HYDIN: variants seen among roughly 807,000 people sequenced by gnomAD.
The protein encoded by HYDIN is axonemal central pair apparatus protein HYDIN.
Under a neutral mutation model 403.9 loss-of-function variants are expected in HYDIN, and 132 were observed. The ratio of observed to expected loss-of-function variants is 0.33; its 90% confidence interval spans 0.28 to 0.38. HYDIN has a LOEUF of 0.38. Among genes scored for constraint, HYDIN ranks in the 10% least tolerant of loss-of-function variants. HYDIN has a pLI of 1.00. For synonymous variants in HYDIN, 1,202 were observed against 1,891.7 expected (o/e 0.64, Z 9.46); for missense variants, 2,827 against 5,009.5 (o/e 0.56, Z 13.15).
At chr16:71,025,916 T>G (rs2080676089) in intron 20 of HYDIN, among the ~76,000 whole-genome samples, 1 of 152,002 alleles carries the variant, frequency 6.6e-6, no homozygotes, top group Non-Finnish European at 1.5e-5. Flanking sequence ...TCCTTTTTTT[T>G]TTCAGATGGA....
chr16:70,902,821 A>ATATT lies in HYDIN; in HGVS notation c.8849+803_8849+804insAATA. 3.6e-3 allele frequency among the ~76,000 whole-genome samples: 168 copies of ATATT among 47,260 alleles called. 6 individuals carry two copies. Among genetic ancestry groups the ATATT allele is most frequent in the African/African-American group, 0.019 (158 of 8,518 alleles). 31.0% of individuals were successfully genotyped at this position (47,260 alleles called of 152,430 possible). A position where few individuals can be genotyped will look rare whatever the true frequency, so the allele number is the denominator to read the frequency against. On this transcript the variant is annotated intron_variant, in intron 52 of 85. Transcript: ENST00000393567. ...TATATATATATATATATATATATAT[A>ATATT]TTTTTTTTTTTTTTTTTGTCCCACT...
At chr16:71,010,820 G>A (rs1948910423) in intron 23 of HYDIN, among the ~76,000 whole-genome samples, 1 of 151,776 alleles carries the variant, frequency 6.6e-6, no homozygotes, top group Non-Finnish European at 1.5e-5. Context: ...TTTCTTATTG[G>A]GCCCTTGGGC....
At chr16:71,055,164 A>G (rs1241537676) in intron 18 of HYDIN, among the ~76,000 whole-genome samples, 3 of 152,304 alleles carry the variant, frequency 2.0e-5, no homozygotes, top group African/African-American at 7.2e-5. Context: ...CTGCTGGGGT[A>G]AAGTTAGGCG....
chr16:70,955,309 AG>A (rs1031377132), intron 40 of HYDIN, 65 bp downstream of exon 40: 2 of 1,040,010 alleles, frequency 1.9e-6, no homozygotes, highest in African/African-American at 3.2e-5. Context: ...GGCACAGAGA[AG>A]ATGGGTGTTG....
intron 45 of HYDIN, among the ~76,000 whole-genome samples, chr16:70,930,460 G>C (rs931012999): frequency 4.0e-5 from 6 of 151,756 alleles, no homozygotes; most frequent in Admixed American, 6.6e-5. Flanking sequence ...CAGCCTAGGC[G>C]ACTGAGTGAG....
chr16:71,180,678 G>A (rs751926012), intron 3 of HYDIN, among the ~76,000 whole-genome samples: 7 of 151,880 alleles, frequency 4.6e-5, no homozygotes, highest in South Asian at 2.1e-4. Flanking sequence ...ATATAAAAAC[G>A]ATAACACATC....
chr16:71,015,338 A>T (rs1484031121), intron 23 of HYDIN, among the ~76,000 whole-genome samples: 2 of 152,060 alleles, frequency 1.3e-5, no homozygotes, highest in South Asian at 4.2e-4. Flanking sequence ...TATCATCTTC[A>T]GTAGTGGCCA....
rs1324505330 is a variant in HYDIN at position 70,807,793 on chromosome 16, G to A, written c.15153C>T (p.Thr5051=). ...CTGGGTTATCCACGATGATGGAGAA[G>A]GTCACCATGTGATAGAAGACATTCT... ...PFKNVFYHMV[T]FSIIVDNPAF... is the part of the protein sequence containing the mutation. The change falls in exon 86 of 86, where the codon ACC becomes ACT. Residue 5051 remains threonine (T), a synonymous_variant. Transcript: ENST00000393567. 1 of 1,614,210 alleles carries A rather than the reference G, an allele frequency of 6.2e-7. No homozygotes were observed. Among genetic ancestry groups the A allele is most frequent in the Admixed American group, 1.7e-5 (1 of 60,024 alleles).
chr16:70,910,307 G>A (rs1297930088), intron 47 of HYDIN, among the ~76,000 whole-genome samples: 1 of 151,934 alleles, frequency 6.6e-6, no homozygotes, highest in African/African-American at 2.4e-5. Context: ...CCATAGCTTG[G>A]CTACCACATA....
intron 1 of HYDIN, among the ~76,000 whole-genome samples, chr16:71,203,298 T>A (rs1326717719): frequency 6.6e-6 from 1 of 152,234 alleles, no homozygotes. Flanking sequence ...AACGGACTAA[T>A]AAATTTATTA....
chr16:71,172,887 T>G (rs147432567), intron 5 of HYDIN, among the ~76,000 whole-genome samples: 126 of 152,298 alleles, frequency 8.3e-4, no homozygotes, highest in Non-Finnish European at 1.6e-3. Flanking sequence ...CTTGGTGAAA[T>G]GAATGACTTT....
intron 84 of HYDIN, 35 bp downstream of exon 84, chr16:70,818,307 C>A (rs2035979024): frequency 6.8e-7 from 1 of 1,467,482 alleles, no homozygotes. Context: ...ACTCTCACAG[C>A]TCTCAGGGAG....
Position 70,964,734 on chromosome 16 carries a change from C to G in HYDIN, c.5782G>C (p.Glu1928Gln). The change falls in exon 37 of 86, where the codon GAG becomes CAG. Residue 1928 changes from glutamate (E) to glutamine (Q), a missense_variant. Coordinates refer to ENST00000393567, the MANE Select transcript of HYDIN (RefSeq NM_001270974.2). ...RAKYLENLAQ[E>Q]NEEEDITSSD... is the part of the protein sequence containing the mutation. The stretch of plus-strand genomic sequence containing the variant: ...CTCCACATTGAGTTCTCACCATTCT[C>G]CTGTGCCAGATTCTCCAGATATTTC... 1 of 1,611,660 alleles carries G rather than the reference C, an allele frequency of 6.2e-7. No homozygotes were observed. Among genetic ancestry groups the G allele is most frequent in the Non-Finnish European group, 8.5e-7 (1 of 1,178,050 alleles).
intron 75 of HYDIN, among the ~76,000 whole-genome samples, chr16:70,849,010 A>T (rs1459102151): frequency 1.3e-5 from 2 of 151,982 alleles, no homozygotes; most frequent in Non-Finnish European, 2.9e-5. Flanking sequence ...GAGTCAGGTC[A>T]AATAAAAGCT....
intron 1 of HYDIN, among the ~76,000 whole-genome samples, chr16:71,224,539 T>G (rs971371447): frequency 6.6e-6 from 1 of 151,962 alleles, no homozygotes; most frequent in Admixed American, 6.6e-5. Flanking sequence ...TCTGTTAAAT[T>G]TAATTTGGCT....
intron 1 of HYDIN, among the ~76,000 whole-genome samples, chr16:71,229,931 G>A (rs150498580): frequency 6.6e-6 from 1 of 152,252 alleles, no homozygotes; most frequent in Non-Finnish European, 1.5e-5. Flanking sequence ...TTAATCATGG[G>A]GGTGGGTTTT....
intron 8 of HYDIN, among the ~76,000 whole-genome samples, chr16:71,136,460 G>A (rs3114633): frequency 6.6e-5 from 10 of 151,998 alleles, no homozygotes; most frequent in African/African-American, 2.4e-4. Flanking sequence ...TTTTAGGAAC[G>A]CTTTATAAAA....
At chr16:70,949,541 A>G (rs1262969445) in intron 41 of HYDIN, among the ~76,000 whole-genome samples, 1 of 152,248 alleles carries the variant, frequency 6.6e-6, no homozygotes, top group East Asian at 1.9e-4. Context: ...GAGGTGATTT[A>G]TAAATAAATG....
chr16:70,812,798 A>C (rs1479289491), intron 84 of HYDIN, among the ~76,000 whole-genome samples: 5 of 152,132 alleles, frequency 3.3e-5, no homozygotes, highest in African/African-American at 1.2e-4. Context: ...GACAGGCCCA[A>C]GATGGTCCTC....
Sources: gnomAD v4.1 joint callset for allele counts (sites outside exome capture counted in the v4.1 genomes callset) on GRCh38, gnomAD v4.1.1 for gene constraint, MANE v1.5 for transcripts, NCBI Gene and HGNC (gene_info 2026-07-23, HGNC 2026-07-21) for gene names.